Variants in TTC7B observed in about 807,000 individuals in gnomAD.
TTC7B encodes tetratricopeptide repeat protein 7B.
Under a neutral mutation model 106.8 loss-of-function variants are expected in TTC7B, and 28 were observed. The ratio of observed to expected loss-of-function variants is 0.26; its 90% CI spans 0.19 to 0.36. The LOEUF (loss-of-function observed/expected upper bound fraction) is 0.36. TTC7B is among the 10% of genes least tolerant of loss of function. TTC7B has a pLI of 1.00. For missense variants in TTC7B, 862 were observed against 1,076.4 expected (o/e 0.80, Z 2.79); for synonymous variants, 405 against 430.6 (o/e 0.94, Z 0.74).
rs927231 is a variant in TTC7B at position 90,812,623 on chromosome 14, C to T, written c.121+3552G>A. ...AGGGCCTAGGCTTCCGGGGGACTGTCTCCCACCCCCACCCTTAACTTAGGT... is the reference window on the plus strand; with the variant it reads ...AGGGCCTAGGCTTCCGGGGGACTGTTTCCCACCCCCACCCTTAACTTAGGT... On this transcript the variant is annotated intron_variant, in intron 1 of 19. Coordinates refer to ENST00000328459, the MANE Select transcript of TTC7B (RefSeq NM_001010854.2). Among the ~76,000 whole-genome samples the T allele has an allele frequency of 2.9e-3, 438 of 152,250 alleles. 1 individual carries two copies. Among genetic ancestry groups the T allele is most frequent in the Middle Eastern group, 0.01 (3 of 294 alleles).
chr14:90,787,443 C>T (rs1376442330), intron 1 of TTC7B, among the ~76,000 whole-genome samples: 1 of 152,122 alleles, frequency 6.6e-6, no homozygotes, highest in Non-Finnish European at 1.5e-5. Context: ...TCTGGAAGGA[C>T]ATATCTTAAG....
At chr14:90,801,577 C>T (rs551748490) in intron 1 of TTC7B, among the ~76,000 whole-genome samples, 1 of 152,208 alleles carries the variant, frequency 6.6e-6, no homozygotes, top group Admixed American at 6.5e-5. Context: ...GGAATAAAAC[C>T]AAGAGCTCTG....
At chr14:90,549,475 C>T (rs1003157857) in intron 19 of TTC7B, among the ~76,000 whole-genome samples, 7 of 152,244 alleles carry the variant, frequency 4.6e-5, no homozygotes, top group Admixed American at 2.0e-4. Context: ...GACAGTGCTG[C>T]TGAGCTGGCT....
chr14:90,810,351 AG>A (rs2030831362), intron 1 of TTC7B, among the ~76,000 whole-genome samples: 1 of 152,186 alleles, frequency 6.6e-6, no homozygotes, highest in African/African-American at 2.4e-5. Flanking sequence ...GTGTCACCAA[AG>A]GGGGCTTTGC....
intron 5 of TTC7B, among the ~76,000 whole-genome samples, chr14:90,708,942 C>T (rs7401931): frequency 0.74 from 109,481 of 147,468 alleles, 41,314 homozygotes; most frequent in African/African-American, 0.88. Flanking sequence ...AAAATGCTCA[C>T]CATCACTGGC....
At chr14:90,794,912 G>C (rs1011232685) in intron 1 of TTC7B, among the ~76,000 whole-genome samples, 1 of 152,020 alleles carries the variant, frequency 6.6e-6, no homozygotes, top group Non-Finnish European at 1.5e-5. Flanking sequence ...GCACTGGGTG[G>C]TGTGACCAAC....
chr14:90,806,352 G>A (rs1044151854), intron 1 of TTC7B, among the ~76,000 whole-genome samples: 13 of 152,216 alleles, frequency 8.5e-5, no homozygotes, highest in African/African-American at 3.1e-4. Flanking sequence ...CCAACACCGC[G>A]CTGCTTCAGC....
chr14:90,605,207 C>T (rs570982272), intron 17 of TTC7B, among the ~76,000 whole-genome samples: 13 of 152,300 alleles, frequency 8.5e-5, no homozygotes, highest in East Asian at 3.9e-4. Context: ...GATGATTATA[C>T]GCTGGTTGAA....
At chr14:90,743,007 C>T (rs17721331) in intron 4 of TTC7B, among the ~76,000 whole-genome samples, 28,008 of 152,162 alleles carry the variant, frequency 0.18, 2,730 homozygotes, top group Middle Eastern at 0.21. Context: ...GCAGACTTCT[C>T]GACTGCCAAG....
chr14:90,647,091 G>A (rs1398840316), intron 13 of TTC7B, 68 bp from the exon 14 acceptor site: 1 of 1,360,668 alleles, frequency 7.3e-7, no homozygotes, highest in Non-Finnish European at 1.1e-6. Flanking sequence ...TATCAAGCAA[G>A]TCTTCTCCAC....
At chr14:90,658,766 T>C (rs10132961) in intron 9 of TTC7B, among the ~76,000 whole-genome samples, 98,521 of 152,104 alleles carry the variant, frequency 0.65, 32,145 homozygotes, top group South Asian at 0.72. Context: ...TCAGGGAGAA[T>C]AGAAACTGAG....
intron 17 of TTC7B, 178 bp from the exon 18 acceptor site, chr14:90,593,804 T>C: frequency 1.9e-6 from 1 of 527,916 alleles, no homozygotes; most frequent in Non-Finnish European, 3.1e-6. Context: ...TTTCCATCCT[T>C]GGGCTTTAGC....
chr14:90,631,501 C>T (rs4900052), intron 15 of TTC7B, among the ~76,000 whole-genome samples: 69,050 of 151,142 alleles, frequency 0.46, 16,071 homozygotes, highest in East Asian at 0.64. Context: ...CTCCGCCTCC[C>T]AGGTTCAAGC....
intron 5 of TTC7B, among the ~76,000 whole-genome samples, chr14:90,723,343 T>G (rs1888966800): frequency 6.6e-6 from 1 of 152,208 alleles, no homozygotes; most frequent in African/African-American, 2.4e-5. Context: ...ACATCTAATG[T>G]CTTCACCACC....
intron 6 of TTC7B, among the ~76,000 whole-genome samples, chr14:90,695,293 TAC>T (rs1392477481): frequency 7.4e-6 from 1 of 134,476 alleles, no homozygotes; most frequent in African/African-American, 2.7e-5. Flanking sequence ...GACATATATG[TAC>T]ATAAATATAT....
At chr14:90,558,922 T>A (rs1282875876) in intron 19 of TTC7B, among the ~76,000 whole-genome samples, 1 of 152,136 alleles carries the variant, frequency 6.6e-6, no homozygotes, top group Non-Finnish European at 1.5e-5. Flanking sequence ...CAGGGAACAC[T>A]GTAGGGGAGC....
chr14:90,554,967 G>C (rs1230334820), intron 19 of TTC7B, among the ~76,000 whole-genome samples: 1 of 152,204 alleles, frequency 6.6e-6, no homozygotes, highest in African/African-American at 2.4e-5. Flanking sequence ...GCTCTCGGCA[G>C]CCCTGCCTGG....
chr14:90,758,300 GAT>G (rs1890374731), intron 3 of TTC7B, among the ~76,000 whole-genome samples: 1 of 146,338 alleles, frequency 6.8e-6, no homozygotes, highest in Non-Finnish European at 1.5e-5. Context: ...ACCTGCGCGA[GAT>G]GCAGGGCACT....
chr14:90,611,916 C>T (rs1892891766), intron 16 of TTC7B, among the ~76,000 whole-genome samples: 1 of 152,164 alleles, frequency 6.6e-6, no homozygotes, highest in South Asian at 2.1e-4. Context: ...CAATGCTTTT[C>T]TTTGAATCTA....
Sources: allele counts gnomAD v4.1 joint callset (sites outside exome capture counted in the v4.1 genomes callset), GRCh38; gene constraint gnomAD v4.1.1; transcripts MANE v1.5; gene names NCBI Gene and HGNC (gene_info 2026-07-23, HGNC 2026-07-21).